Variants in RAB27B observed in about 807,000 individuals in gnomAD.
RAB27B encodes RAB27B, member RAS oncogene family, also known as ras-related protein Rab-27B.
A neutral mutation model predicts 24.6 loss-of-function variants in RAB27B; 15 were observed. That is an observed-to-expected ratio of 0.61 (90% confidence interval 0.41 to 0.94). The LOEUF is 0.94. RAB27B is among the 40% of genes least tolerant of loss of function. RAB27B has a pLI of 0.00. For missense variants in RAB27B, 261 were observed against 266.8 expected, an observed-to-expected ratio of 0.98 and a Z score of 0.15; for synonymous variants, 105 against 92.5, an observed-to-expected ratio of 1.14 and a Z score of -0.78.
intron 1 of RAB27B, among the ~76,000 whole-genome samples, chr18:54,855,450 A>C (rs1309796506): frequency 2.0e-5 from 3 of 152,142 alleles, no homozygotes; most frequent in Non-Finnish European, 4.4e-5. Context: ...TATATCATCA[A>C]AGGGTGGTGT....
chr18:54,783,106 C>A (rs758998215), intron 2 of RAB27B, among the ~76,000 whole-genome samples: 1 of 152,030 alleles, frequency 6.6e-6, no homozygotes, highest in Non-Finnish European at 1.5e-5. Context: ...TACAGGCATG[C>A]ACCATGATGC....
intron 2 of RAB27B, among the ~76,000 whole-genome samples, chr18:54,762,790 A>C (rs1229648395): frequency 6.6e-6 from 1 of 152,044 alleles, no homozygotes; most frequent in Non-Finnish European, 1.5e-5. Context: ...CTCAGTACCT[A>C]CGACTCAGAC....
At chr18:54,790,779 G>T (rs1358744907) in intron 2 of RAB27B, among the ~76,000 whole-genome samples, 1 of 152,052 alleles carries the variant, frequency 6.6e-6, no homozygotes, top group Non-Finnish European at 1.5e-5. Context: ...TTTTTGCCCT[G>T]GAAAATTATG....
At chr18:54,830,407 A>T (rs1344680383) in intron 1 of RAB27B, among the ~76,000 whole-genome samples, 1 of 152,202 alleles carries the variant, frequency 6.6e-6, no homozygotes, top group Non-Finnish European at 1.5e-5. Context: ...GAAATATAGA[A>T]CAATTACTCA....
intron 3 of RAB27B, chr18:54,880,802 A>C (rs1012645253): frequency 7.2e-5 from 11 of 152,174 alleles, no homozygotes; most frequent in Non-Finnish European, 1.6e-4. Context: ...TGTCCCCTGA[A>C]GGCAGCTGCT....
intron 2 of RAB27B, among the ~76,000 whole-genome samples, chr18:54,720,595 G>A (rs565965890): frequency 6.6e-6 from 1 of 152,008 alleles, no homozygotes; most frequent in African/African-American, 2.4e-5. Context: ...TAACATAAAG[G>A]AAGAAGTATC....
chr18:54,733,546 T>G (rs1037305975), intron 2 of RAB27B, among the ~76,000 whole-genome samples: 7 of 152,084 alleles, frequency 4.6e-5, no homozygotes, highest in Non-Finnish European at 1.0e-4. Context: ...TCTTGATCTC[T>G]CTTGTTCTTC....
intron 2 of RAB27B, among the ~76,000 whole-genome samples, chr18:54,794,704 T>A (rs1909359629): frequency 6.6e-6 from 1 of 152,200 alleles, no homozygotes; most frequent in African/African-American, 2.4e-5. Flanking sequence ...CCTGACAACA[T>A]GTCCAATGGC....
chr18:54,802,455 C>T (rs1909641373), intron 2 of RAB27B, among the ~76,000 whole-genome samples: 1 of 152,070 alleles, frequency 6.6e-6, no homozygotes, highest in Admixed American at 6.6e-5. Flanking sequence ...GGACTTGTTG[C>T]AGTAATCTCT....
At chr18:54,856,628 C>T (rs1911795545) in intron 1 of RAB27B, among the ~76,000 whole-genome samples, 1 of 152,208 alleles carries the variant, frequency 6.6e-6, no homozygotes, top group Non-Finnish European at 1.5e-5. Context: ...GTGGGTGCCA[C>T]TAACAGAACA....
intron 2 of RAB27B, among the ~76,000 whole-genome samples, chr18:54,787,952 A>C (rs1177368548): frequency 6.6e-6 from 1 of 152,234 alleles, no homozygotes; most frequent in African/African-American, 2.4e-5. Context: ...GAAATATCTG[A>C]ATCTACATGG....
chr18:54,844,559 A>C (rs186484274), intron 1 of RAB27B, among the ~76,000 whole-genome samples: 2 of 151,798 alleles, frequency 1.3e-5, no homozygotes, highest in African/African-American at 2.4e-5. Flanking sequence ...GGCATTAGCC[A>C]CCACACCTGG....
chr18:54,772,168 G>T (rs1598892876), intron 2 of RAB27B, among the ~76,000 whole-genome samples: 1 of 152,176 alleles, frequency 6.6e-6, no homozygotes, highest in East Asian at 1.9e-4. Context: ...GTCACATAGA[G>T]GTCCTGGATA....
chr18:54,857,624 G>A (rs1017217354), intron 1 of RAB27B, among the ~76,000 whole-genome samples: 4 of 152,194 alleles, frequency 2.6e-5, no homozygotes, highest in Admixed American at 1.3e-4. Context: ...GTGCATGCAC[G>A]AGCTTAATGA....
Position 54,879,366 on chromosome 18 carries a change from C to T in RAB27B, c.154-3C>T. 1 of 1,607,762 alleles carries T rather than the reference C, an allele frequency of 6.2e-7. No individual in the cohort carries two copies. Among genetic ancestry groups the T allele is most frequent in the Non-Finnish European group, 8.5e-7 (1 of 1,174,412 alleles). ...CTCAACTAATGAACGTTGTATCTTTCAGGTTTATAATGCACAAGGACCGAA... is the reference window on the plus strand; with the variant it reads ...CTCAACTAATGAACGTTGTATCTTTTAGGTTTATAATGCACAAGGACCGAA... On this transcript the variant is annotated splice_region_variant and splice_polypyrimidine_tract_variant and intron_variant, in intron 2 of 5. Transcript: ENST00000262094.
At chr18:54,888,225 C>A in intron 5 of RAB27B, 107 bp downstream of exon 5, 2 of 1,286,282 alleles carry the variant, frequency 1.6e-6, no homozygotes, top group Non-Finnish European at 2.1e-6. Flanking sequence ...CCAAGAACAG[C>A]ATGTGGATTA....
At chr18:54,735,377 A>G (rs1317364847) in intron 2 of RAB27B, among the ~76,000 whole-genome samples, 1 of 152,188 alleles carries the variant, frequency 6.6e-6, no homozygotes, top group East Asian at 1.9e-4. Context: ...CAGTAACTAC[A>G]CTTTCTGAGG....
At chr18:54,784,785 G>T (rs558195864) in intron 2 of RAB27B, among the ~76,000 whole-genome samples, 1 of 152,266 alleles carries the variant, frequency 6.6e-6, no homozygotes, top group East Asian at 1.9e-4. Flanking sequence ...TATGAATGCA[G>T]GTGTCTTTTT....
intron 2 of RAB27B, among the ~76,000 whole-genome samples, chr18:54,814,996 C>T (rs1051688067): frequency 6.6e-6 from 1 of 152,088 alleles, no homozygotes; most frequent in Non-Finnish European, 1.5e-5. Flanking sequence ...CCAACCCCAC[C>T]CTAAGAAGTC....
Sources: allele counts gnomAD v4.1 joint callset (sites outside exome capture counted in the v4.1 genomes callset), GRCh38; gene constraint gnomAD v4.1.1; transcripts MANE v1.5; gene names NCBI Gene and HGNC (gene_info 2026-07-23, HGNC 2026-07-21).